MYH10: variants seen among roughly 807,000 people sequenced by gnomAD.
MYH10 encodes the protein myosin-10.
In MYH10, 55 loss-of-function variants were observed where a neutral mutation model predicts 257.8. The observed-to-expected ratio is 0.21, with a 90% confidence interval of 0.17 to 0.27. The LOEUF is 0.27. Ranked by LOEUF, MYH10 falls within the 10% of genes least tolerant of loss-of-function variation. MYH10 has a pLI of 1.00. For missense variants in MYH10, 1,631 were observed against 2,500.6 expected (o/e 0.65, Z 7.42); for synonymous variants, 854 against 921.7 (o/e 0.93, Z 1.33).
At chr17:8,590,098 G>C (rs1163082747) in intron 3 of MYH10, among the ~76,000 whole-genome samples, 1 of 152,168 alleles carries the variant, frequency 6.6e-6, no homozygotes, top group Non-Finnish European at 1.5e-5. Flanking sequence ...TTGCTATGCT[G>C]TGCTTTCTTT....
At position 8,623,721 on chromosome 17, in the gene MYH10, GTAAAGAATC is replaced by G. The variant is rs1241686839; in HGVS notation, c.-31-453_-31-445del. On this transcript the variant is annotated intron_variant, in intron 1 of 42. Transcript: ENST00000360416. ...ACAAAAACACATGATTGTCAGAAGA[GTAAAGAATC>G]TAAAGAATCTAAAACATGCCTCTCA... Among the ~76,000 whole-genome samples, 4 of 152,100 alleles carry G rather than the reference GTAAAGAATC, an allele frequency of 2.6e-5. No individual in the cohort carries two copies. The East Asian group carries it at 7.7e-4, about 29-fold the overall frequency.
intron 4 of MYH10, among the ~76,000 whole-genome samples, chr17:8,582,530 T>C (rs978970999): frequency 2.6e-5 from 4 of 152,216 alleles, no homozygotes; most frequent in Non-Finnish European, 5.9e-5. Flanking sequence ...AAGAGAGTGG[T>C]AGAAGTACAA....
Position 8,545,055 on chromosome 17 carries a change from A to C in MYH10, c.1431+393T>G, listed in dbSNP as rs1397769851. On this transcript the variant is annotated intron_variant, in intron 13 of 42. Transcript: ENST00000360416. The surrounding 1 kb of genome is among the most constrained non-coding windows in gnomAD (Gnocchi z 4.7). ...AACTCCTCTCTCCCTCTGGTCAGCTATATCCAGTCATACTGGCTTTCTAGC... is the reference window on the plus strand; with the variant it reads ...AACTCCTCTCTCCCTCTGGTCAGCTCTATCCAGTCATACTGGCTTTCTAGC... Among the ~76,000 whole-genome samples, 1 of 152,180 alleles carries C rather than the reference A, an allele frequency of 6.6e-6. No individual in the cohort carries two copies. The highest frequency in any genetic ancestry group is 1.9e-4 in the East Asian group (1 of 5,198).
Position 8,576,475 on chromosome 17 carries a change from G to A in MYH10, c.663+168C>T, listed in dbSNP as rs186899610. The A allele has an allele frequency of 6.7e-5, 38 of 569,980 alleles. 1 individual carries two copies. Among genetic ancestry groups the A allele is most frequent in the Middle Eastern group, 2.7e-4 (1 of 3,654 alleles). 35.3% of individuals were successfully genotyped at this position (569,980 alleles called of 1,614,324 possible). Reference sequence around the variant, plus strand: ...ACAAATTTAAAGCAAAACGGCATGCGCTTCTCAAGAAAGAATAAGGCTCTA... The same window carrying A: ...ACAAATTTAAAGCAAAACGGCATGCACTTCTCAAGAAAGAATAAGGCTCTA... On this transcript the variant is annotated intron_variant, in intron 6 of 42. Coordinates refer to ENST00000360416, the MANE Select transcript of MYH10 (RefSeq NM_001256012.3).
chr17:8,517,213 A>G (rs2081502099), intron 21 of MYH10, among the ~76,000 whole-genome samples: 1 of 152,210 alleles, frequency 6.6e-6, no homozygotes, highest in Admixed American at 6.5e-5. Flanking sequence ...ACCCGAAGAT[A>G]TCATCTATTT....
At chr17:8,551,532 C>T (rs2082644045) in intron 9 of MYH10, among the ~76,000 whole-genome samples, 1 of 152,072 alleles carries the variant, frequency 6.6e-6, no homozygotes. Context: ...TATTTCTAAC[C>T]CAGCAAAATT....
At chr17:8,613,580 G>A (rs963617170) in intron 2 of MYH10, among the ~76,000 whole-genome samples, 6 of 151,952 alleles carry the variant, frequency 3.9e-5, no homozygotes, top group African/African-American at 1.5e-4. Flanking sequence ...TAAGCAAATA[G>A]CAAAAATGGA....
intron 3 of MYH10, among the ~76,000 whole-genome samples, chr17:8,599,508 T>C (rs1300877681): frequency 1.3e-5 from 2 of 152,136 alleles, no homozygotes; most frequent in African/African-American, 4.8e-5. Context: ...GATGACTACA[T>C]CACACTATTT....
rs978959274 is a variant in MYH10, at chr17:8,580,234, A to G, written c.531-2896T>C. On this transcript the variant is annotated intron_variant, in intron 4 of 42. Coordinates refer to ENST00000360416, the MANE Select transcript of MYH10 (RefSeq NM_001256012.3). ...GTGACTAACCAGAGCACCCACCATC[A>G]TCCTTCTTTTTGAAAAGAGCAAAAA... is the stretch of plus-strand genomic sequence containing the variant. 6.6e-5 allele frequency among the ~76,000 whole-genome samples: 10 copies of G among 152,060 alleles called. No individual in the cohort carries two copies. The East Asian group carries it at 1.9e-3, about 29-fold the overall frequency.
At chr17:8,581,698 A>C (rs74892639) in intron 4 of MYH10, among the ~76,000 whole-genome samples, 2 of 152,220 alleles carry the variant, frequency 1.3e-5, no homozygotes, top group East Asian at 3.8e-4. Flanking sequence ...CCTAATACAT[A>C]GGGTTGTTGA....
intron 14 of MYH10, 135 bp from the exon 15 acceptor site, chr17:8,536,066 G>A (rs954183020): frequency 3.8e-6 from 3 of 780,722 alleles, no homozygotes; most frequent in African/African-American, 3.5e-5. Flanking sequence ...GGAAAGGAAT[G>A]TCTAAGCCAT....
At chr17:8,529,110 T>G (rs929105518) in intron 17 of MYH10, among the ~76,000 whole-genome samples, 1 of 152,216 alleles carries the variant, frequency 6.6e-6, no homozygotes, top group Admixed American at 6.5e-5. Flanking sequence ...AAATGCCTGG[T>G]GTATACACCC....
At chr17:8,579,057 G>A (rs546191842) in intron 4 of MYH10, among the ~76,000 whole-genome samples, 2 of 152,126 alleles carry the variant, frequency 1.3e-5, no homozygotes, top group East Asian at 1.9e-4. Flanking sequence ...CCGGAGAATC[G>A]CTTTAGCCCA....
rs746558987 is a variant in MYH10 at position 8,492,960 on chromosome 17, T to C, written c.4274A>G (p.Lys1425Arg). ...CTCCGCGTCCTTCAGAAGCTTCTTC[T>C]TGGCTTCTTCCAGACTTTCAATTGT... ...LGTIESLEEA[K>R]KKLLKDAEAL... The change falls in exon 33 of 43, where the codon AAG becomes AGG. Residue 1425 changes from lysine (K) to arginine (R), a missense_variant. Lys to Arg is a conservative substitution (Grantham distance 26, BLOSUM62 2). Coordinates refer to ENST00000360416, the MANE Select transcript of MYH10 (RefSeq NM_001256012.3). 6.2e-7 allele frequency: 1 copy of C among 1,614,178 alleles called. No individual in the cohort carries two copies. The highest frequency in any genetic ancestry group is 2.2e-5 in the East Asian group (1 of 44,882).
Position 8,480,231 on chromosome 17 carries a change from T to G in MYH10, c.5476A>C (p.Lys1826Gln). The change falls in exon 40 of 43, where the codon AAG becomes CAG. Residue 1826 changes from lysine to glutamine, a missense_variant. Coordinates refer to ENST00000360416, the MANE Select transcript of MYH10 (RefSeq NM_001256012.3). ...TCCTGCAGCTTGGCCTTCAGCTCCT[T>G]GTTCTGCCGCTCCAGTTGCTGGCGT... Reference protein sequence around the residue: ...NARQQLERQNKELKAKLQELE... With the variant: ...NARQQLERQNQELKAKLQELE... The G allele has an allele frequency of 6.2e-7, 1 of 1,614,116 alleles. No individual in the cohort carries two copies. Among genetic ancestry groups the G allele is most frequent in the East Asian group, 2.2e-5 (1 of 44,886 alleles).
At chr17:8,512,305 G>A (rs745840812) in intron 24 of MYH10, 146 bp downstream of exon 24, 3 of 627,566 alleles carry the variant, frequency 4.8e-6, no homozygotes, top group African/African-American at 3.7e-5. Flanking sequence ...TCAAATGATG[G>A]TCATCTTTCT....
At chr17:8,493,969 C>T in intron 31 of MYH10, 84 bp from the exon 32 acceptor site, 1 of 1,447,130 alleles carries the variant, frequency 6.9e-7, no homozygotes, top group South Asian at 1.4e-5. Context: ...TCATGTCGTA[C>T]AAAAGAGACA....
intron 7 of MYH10, among the ~76,000 whole-genome samples, chr17:8,564,235 A>G (rs2083089184): frequency 1.3e-5 from 2 of 152,238 alleles, no homozygotes; most frequent in Admixed American, 1.3e-4. Flanking sequence ...TCTTCAGGAA[A>G]TTAGTCGTCT....
chr17:8,487,177 G>A (rs1426919661), intron 36 of MYH10, among the ~76,000 whole-genome samples: 2 of 152,234 alleles, frequency 1.3e-5, no homozygotes, highest in Non-Finnish European at 2.9e-5. Flanking sequence ...GGAAGGGTGG[G>A]TTTTAAGCAT....
Sources: gnomAD v4.1 joint callset for allele counts (sites outside exome capture counted in the v4.1 genomes callset) on GRCh38, gnomAD v4.1.1 for gene constraint, Gnocchi (gnomAD v3.1) non-coding constraint, MANE v1.5 for transcripts, NCBI Gene and HGNC (gene_info 2026-07-23, HGNC 2026-07-21) for gene names.